SDR42E1: variants seen among roughly 807,000 people sequenced by gnomAD.
The protein encoded by SDR42E1 is short chain dehydrogenase/reductase family 42E, member 1.
SDR42E1 carries 5 observed loss-of-function variants against 2.6 expected under a neutral mutation model. The observed-to-expected ratio is 1.94, with a 90% CI of 1.01 to 4.08. The LOEUF (loss-of-function observed/expected upper bound fraction) is 4.08, where lower values mean the gene tolerates loss of function less well. SDR42E1 is among the 30% of genes most tolerant of loss of function. SDR42E1 has a pLI of 0.00. For synonymous variants in SDR42E1, 231 were observed against 188.3 expected, an observed-to-expected ratio of 1.23 and a Z score of -1.86; for missense variants, 596 against 478.6, an observed-to-expected ratio of 1.25 and a Z score of -2.29.
At position 81,998,820 on chromosome 16, in the gene SDR42E1, C is replaced by T. The variant is rs1406421597; in HGVS notation, c.*291G>A. The T allele has an allele frequency of 8.2e-6, 3 of 367,510 alleles. No individual in the cohort carries two copies. Among genetic ancestry groups the T allele is most frequent in the African/African-American group, 4.2e-5 (2 of 47,576 alleles). 22.8% of individuals were successfully genotyped at this position (367,510 alleles called of 1,614,324 possible). On this transcript the variant is annotated 3_prime_UTR_variant, in exon 3 of 3. Transcript: ENST00000328945. The stretch of plus-strand genomic sequence containing the variant: ...TCTCAGAAATTCAAGATGGGCATCT[C>T]CAACTCAACTAAGCCTACTTCTATG...
intron 1 of SDR42E1, among the ~76,000 whole-genome samples, chr16:82,002,452 C>T (rs1348807057): frequency 6.6e-6 from 1 of 152,142 alleles, no homozygotes; most frequent in African/African-American, 2.4e-5. Flanking sequence ...AAACACATAC[C>T]TAGTGCTTAC....
rs763840563 is a variant in SDR42E1 at position 81,999,239 on chromosome 16, C to T, written c.1054G>A (p.Ala352Thr). 6.2e-7 allele frequency: 1 copy of T among 1,614,094 alleles called. No homozygotes were observed. The highest frequency in any genetic ancestry group is 1.1e-5 in the South Asian group (1 of 91,088). ...DLQEAVEWFK[A>T]HGHGRSSGSR... ...CCAGAACTTCTGCCATGACCATGGG[C>T]TTTAAACCATTCCACTGCTTCCTGG... Residue 352 changes from alanine to threonine, a missense_variant, in exon 3 of 3, where the codon GCC becomes ACC. Coordinates refer to ENST00000328945, the MANE Select transcript of SDR42E1 (RefSeq NM_145168.3).
chr16:81,999,421 G>C lies in SDR42E1; in HGVS notation c.872C>G (p.Ala291Gly). The C allele has an allele frequency of 6.2e-7, 1 of 1,614,204 alleles. No homozygotes were observed. The highest frequency in any genetic ancestry group is 8.5e-7 in the Non-Finnish European group (1 of 1,180,034). ...RLPLTLVYCFAFLTEMVHFIL... is the reference protein window; with the variant it reads ...RLPLTLVYCFGFLTEMVHFIL... ...GAAGTGAACCATCTCTGTTAGAAAA[G>C]CAAAGCAGTAGACCAAGGTCAATGG... The change falls in exon 3 of 3, where the codon GCT becomes GGT. Residue 291 changes from alanine to glycine, a missense_variant. Ala to Gly is a moderately conservative substitution (Grantham distance 60). Transcript: ENST00000328945.
rs1328940888 is a variant in SDR42E1, at chr16:81,997,475, C to G, written c.*1636G>C. On this transcript the variant is annotated 3_prime_UTR_variant, in exon 3 of 3. Transcript: ENST00000328945. ...GGCCAAGTCATAAAGGACAATGCAGCTTCCACCCTGCTGTCTTGGATGACC... is the reference window on the plus strand; with the variant it reads ...GGCCAAGTCATAAAGGACAATGCAGGTTCCACCCTGCTGTCTTGGATGACC... 2 of 152,302 alleles carry G rather than the reference C, an allele frequency of 1.3e-5. No individual in the cohort carries two copies. The highest frequency in any genetic ancestry group is 4.8e-5 in the African/African-American group (2 of 41,454). The allele number at this position is 152,302 out of a possible 1,614,324, so 9.4% of individuals were successfully genotyped here. A position where few individuals can be genotyped will look rare whatever the true frequency, so the allele number is the denominator to read the frequency against.
rs181233324 is a variant in SDR42E1 at position 81,998,085 on chromosome 16, T to C, written c.*1026A>G. The C allele has an allele frequency of 7.2e-5, 11 of 152,344 alleles. No homozygotes were observed. Among genetic ancestry groups the C allele is most frequent in the African/African-American group, 2.6e-4 (11 of 41,578 alleles). 9.4% of individuals were successfully genotyped at this position (152,344 alleles called of 1,614,324 possible). On this transcript the variant is annotated 3_prime_UTR_variant, in exon 3 of 3. Transcript: ENST00000328945. ...GTGTAACTGGATCATCTGTAACAGT[T>C]TGTGGGTGGCCAGACAGTGCTGCCA...
intron 2 of SDR42E1, 63 bp downstream of exon 2, chr16:82,000,728 T>A: frequency 1.6e-6 from 2 of 1,230,102 alleles, no homozygotes; most frequent in South Asian, 1.2e-5. Context: ...GCTGTCAGAG[T>A]TGAATGCTTC....
rs1220241804 is a variant in SDR42E1 at position 81,998,342 on chromosome 16, A to T, written c.*769T>A. ...TACACTTGTTGCAGGCTCTGAGGGC[A>T]CACCCAAAGACATTGCAGAAAGTCC... On this transcript the variant is annotated 3_prime_UTR_variant, in exon 3 of 3. Transcript: ENST00000328945. 1 of 152,220 alleles carries T rather than the reference A, an allele frequency of 6.6e-6. No individual in the cohort carries two copies. Among genetic ancestry groups the T allele is most frequent in the Non-Finnish European group, 1.5e-5 (1 of 68,050 alleles). The allele number at this position is 152,220 out of a possible 1,614,324, so 9.4% of individuals were successfully genotyped here. A position where few individuals can be genotyped will look rare whatever the true frequency, so the allele number is the denominator to read the frequency against.
intron 1 of SDR42E1, among the ~76,000 whole-genome samples, chr16:82,006,464 G>A (rs573917123): frequency 7.0e-4 from 107 of 152,316 alleles, no homozygotes; most frequent in South Asian, 2.1e-3. Context: ...ATAAGGAGAA[G>A]AATTCTGATA....
intron 2 of SDR42E1, among the ~76,000 whole-genome samples, 161 bp downstream of exon 2, chr16:82,000,630 C>T (rs1245909790): frequency 6.6e-6 from 1 of 152,184 alleles, no homozygotes; most frequent in Non-Finnish European, 1.5e-5. Context: ...GTGAAATATA[C>T]CTGTAGTTCT....
intron 1 of SDR42E1, among the ~76,000 whole-genome samples, chr16:82,003,085 A>C (rs187927558): frequency 6.6e-6 from 1 of 152,292 alleles, no homozygotes; most frequent in East Asian, 1.9e-4. Context: ...TGACAAGTGA[A>C]GACAAGGTTC....
In SDR42E1 at chr16:82,000,076, C is replaced by G; in HGVS notation, c.217G>C (p.Val73Leu). 1 of 1,614,222 alleles carries G rather than the reference C, an allele frequency of 6.2e-7. No individual in the cohort carries two copies. The highest frequency in any genetic ancestry group is 8.5e-7 in the Non-Finnish European group (1 of 1,180,042). Residue 73 changes from valine (V) to leucine (L), a missense_variant, in exon 3 of 3, where the codon GTC becomes CTC. Physicochemically the swap from Val to Leu is conservative, Grantham distance 32. Transcript: ENST00000328945. Reference protein sequence around the residue: ...DVEKAFQDADVTCVFHIASYG... With the variant: ...DVEKAFQDADLTCVFHIASYG... ...GAGGCAATATGGAACACACAAGTGA[C>G]GTCTGCATCCTGGAAGGCTTTCTCT...
chr16:82,007,426 C>A (rs1912976725), intron 1 of SDR42E1, among the ~76,000 whole-genome samples: 1 of 152,210 alleles, frequency 6.6e-6, no homozygotes, highest in Non-Finnish European at 1.5e-5. Flanking sequence ...TATTTCACAA[C>A]CCTCTCAGAT....
Position 82,000,080 on chromosome 16 carries a change from T to A in SDR42E1, c.213A>T (p.Ala71=). 1 of 1,614,268 alleles carries A rather than the reference T, an allele frequency of 6.2e-7. No individual in the cohort carries two copies. Among genetic ancestry groups the A allele is most frequent in the South Asian group, 1.1e-5 (1 of 91,088 alleles). The change falls in exon 3 of 3, where the codon GCA becomes GCT. Residue 71 remains alanine (A), a synonymous_variant. Transcript: ENST00000328945. Reference sequence around the variant, plus strand: ...CAATATGGAACACACAAGTGACGTCTGCATCCTGGAAGGCTTTCTCTACGT... The same window carrying A: ...CAATATGGAACACACAAGTGACGTCAGCATCCTGGAAGGCTTTCTCTACGT... ...LSDVEKAFQD[A]DVTCVFHIAS...
In SDR42E1 at chr16:81,993,298, G is replaced by C. The variant is rs764436177; in HGVS notation, c.*5813C>G. On this transcript the variant is annotated 3_prime_UTR_variant, in exon 3 of 3. Transcript: ENST00000328945. ...AGCCAGTGTTTAGTATCTGGCACCA[G>C]TGCTCACCTCCTTGTTGAAAGATAA... The C allele has an allele frequency of 3.9e-5, 6 of 152,188 alleles. No individual in the cohort carries two copies. Among genetic ancestry groups the C allele is most frequent in the South Asian group, 2.1e-4 (1 of 4,834 alleles). The allele number at this position is 152,188 out of a possible 1,614,324, so 9.4% of individuals were successfully genotyped here.
At position 81,992,413 on chromosome 16, in the gene SDR42E1, A is replaced by G. The variant is rs1912448221; in HGVS notation, c.*6698T>C. On this transcript the variant is annotated 3_prime_UTR_variant, in exon 3 of 3. Coordinates refer to ENST00000328945, the MANE Select transcript of SDR42E1 (RefSeq NM_145168.3). ...TAATTCCCCTTAAAACCTGGGCAACATTTCAGACTTATTATTATCTATTCA... is the reference window on the plus strand; with the variant it reads ...TAATTCCCCTTAAAACCTGGGCAACGTTTCAGACTTATTATTATCTATTCA... The G allele has an allele frequency of 1.3e-5, 2 of 152,150 alleles. No homozygotes were observed. Among genetic ancestry groups the G allele is most frequent in the African/African-American group, 2.4e-5 (1 of 41,432 alleles). The allele number at this position is 152,150 out of a possible 1,614,324, so 9.4% of individuals were successfully genotyped here.
At chr16:82,004,261 C>A (rs1811027973) in intron 1 of SDR42E1, among the ~76,000 whole-genome samples, 2 of 147,094 alleles carry the variant, frequency 1.4e-5, no homozygotes, top group Non-Finnish European at 2.9e-5. Context: ...GGAGAGTGAG[C>A]TTTAGCACTA....
chr16:82,004,318 A>G (rs774937486), intron 1 of SDR42E1, among the ~76,000 whole-genome samples: 1 of 152,120 alleles, frequency 6.6e-6, no homozygotes, highest in Non-Finnish European at 1.5e-5. Flanking sequence ...GGGTTATCAC[A>G]GGTGGGGGTG....
At chr16:82,000,729 T>A (rs1287797773) in intron 2 of SDR42E1, 62 bp downstream of exon 2, 1 of 1,238,460 alleles carries the variant, frequency 8.1e-7, no homozygotes. Flanking sequence ...CTGTCAGAGT[T>A]GAATGCTTCT....
chr16:81,994,796 G>C lies in SDR42E1; in HGVS notation c.*4315C>G, dbSNP rs1377979137. On this transcript the variant is annotated 3_prime_UTR_variant, in exon 3 of 3. Coordinates refer to ENST00000328945, the MANE Select transcript of SDR42E1 (RefSeq NM_145168.3). ...ACCGGAGATTTGGAAAGCAATACAAGGTAGAAGCAGCCCCAACAATCTACG... is the reference window on the plus strand; with the variant it reads ...ACCGGAGATTTGGAAAGCAATACAACGTAGAAGCAGCCCCAACAATCTACG... 6.6e-6 allele frequency: 1 copy of C among 152,194 alleles called. No homozygotes were observed. Among genetic ancestry groups the C allele is most frequent in the African/African-American group, 2.4e-5 (1 of 41,454 alleles). The allele number at this position is 152,194 out of a possible 1,614,324, so 9.4% of individuals were successfully genotyped here. A position where few individuals can be genotyped will look rare whatever the true frequency, so the allele number is the denominator to read the frequency against.
Sources: gnomAD v4.1 joint callset for allele counts (sites outside exome capture counted in the v4.1 genomes callset) on GRCh38, gnomAD v4.1.1 for gene constraint, MANE v1.5 for transcripts, NCBI Gene and HGNC (gene_info 2026-07-23, HGNC 2026-07-21) for gene names.